Variants in CTSO observed in about 807,000 individuals in gnomAD.
CTSO encodes the protein cathepsin O.
CTSO carries 40 observed loss-of-function variants against 42.4 expected under a neutral mutation model. That is an observed-to-expected ratio of 0.94 (90% CI 0.73 to 1.23). The LOEUF (loss-of-function observed/expected upper bound fraction) is 1.23, where lower values mean the gene tolerates loss of function less well. Among genes scored for constraint, CTSO ranks in the 50% most tolerant of loss-of-function variants. The pLI is 0.00. For synonymous variants in CTSO, 156 were observed against 146.2 expected (o/e 1.07, Z -0.48); for missense variants, 441 against 396.0 (o/e 1.11, Z -0.96).
chr4:155,945,935 A>G (rs528076052), intron 1 of CTSO, among the ~76,000 whole-genome samples: 20 of 152,200 alleles, frequency 1.3e-4, no homozygotes, highest in African/African-American at 4.1e-4. Flanking sequence ...CCAAATGCGC[A>G]CACACACACA....
chr4:155,937,459 A>G lies in CTSO; in HGVS notation c.577T>C (p.Ser193Pro). The G allele has an allele frequency of 6.2e-7, 1 of 1,613,218 alleles. No individual in the cohort carries two copies. The highest frequency in any genetic ancestry group is 8.5e-7 in the Non-Finnish European group (1 of 1,179,480). Residue 193 changes from serine to proline, a missense_variant, in exon 5 of 8, where the codon TCA becomes CCA. Ser to Pro is a moderately conservative substitution (Grantham distance 74, BLOSUM62 -1). Coordinates refer to ENST00000433477, the MANE Select transcript of CTSO (RefSeq NM_001334.3). Reference protein sequence around the residue: ...NKMQVKLVKDSEYPFKAQNGL... With the variant: ...NKMQVKLVKDPEYPFKAQNGL... ...TTTTGTGCTTTAAAAGGATATTCTG[A>G]ATCTTTCACCAGTTTTACTTGCATC...
chr4:155,935,309 A>T (rs762880291), intron 5 of CTSO, among the ~76,000 whole-genome samples: 1 of 152,130 alleles, frequency 6.6e-6, no homozygotes, highest in Non-Finnish European at 1.5e-5. Flanking sequence ...TGTCTTTATC[A>T]GCAGCACGAA....
At chr4:155,933,130 A>G (rs145884923) in intron 5 of CTSO, among the ~76,000 whole-genome samples, 1 of 152,180 alleles carries the variant, frequency 6.6e-6, no homozygotes, top group Non-Finnish European at 1.5e-5. Context: ...CTCAAATTGA[A>G]TTGTATCTCC....
intron 5 of CTSO, among the ~76,000 whole-genome samples, chr4:155,931,590 G>T (rs990991057): frequency 6.6e-6 from 1 of 152,062 alleles, no homozygotes; most frequent in Admixed American, 6.6e-5. Flanking sequence ...CTTTCAGAAA[G>T]ATGTCAGCTT....
At chr4:155,945,915 C>A (rs1222074169) in intron 1 of CTSO, among the ~76,000 whole-genome samples, 1 of 152,100 alleles carries the variant, frequency 6.6e-6, no homozygotes, top group East Asian at 1.9e-4. Context: ...CACACACACA[C>A]CACACCACAC....
Position 155,937,489 on chromosome 4 carries a change from A to T in CTSO, c.553-6T>A, listed in dbSNP as rs764324277. On this transcript the variant is annotated splice_region_variant and splice_polypyrimidine_tract_variant and intron_variant, in intron 4 of 7. Transcript: ENST00000433477. Reference sequence around the variant, plus strand: ...TTCACCAGTTTTACTTGCATCTAAAAGAAAACAATCACTGAACATGTTTAC... The same window carrying T: ...TTCACCAGTTTTACTTGCATCTAAATGAAAACAATCACTGAACATGTTTAC... 2.5e-6 allele frequency: 4 copies of T among 1,612,224 alleles called. No homozygotes were observed. In the South Asian group the frequency reaches 4.4e-5, roughly 18 times the overall value.
At position 155,946,645 on chromosome 4, in the gene CTSO, T is replaced by G. The variant is rs115051096; in HGVS notation, c.136-3381A>C. On this transcript the variant is annotated intron_variant, in intron 1 of 7. Coordinates refer to ENST00000433477, the MANE Select transcript of CTSO (RefSeq NM_001334.3). The stretch of plus-strand genomic sequence containing the variant: ...TTTGCTATTCTGGTGTAATGACTCC[T>G]GTCATTTCACAGCTCTCCATAGCCC... Among the ~76,000 whole-genome samples the G allele has an allele frequency of 5.3e-3, 806 of 152,214 alleles. 4 individuals carry two copies. The highest frequency in any genetic ancestry group is 0.019 in the African/African-American group (778 of 41,524).
chr4:155,952,385 T>A (rs532243088), intron 1 of CTSO, among the ~76,000 whole-genome samples: 33 of 152,298 alleles, frequency 2.2e-4, no homozygotes, highest in African/African-American at 7.5e-4. Flanking sequence ...TATTTATAAG[T>A]CTAGCCCTTT....
chr4:155,950,225 A>T (rs749315806), intron 1 of CTSO, among the ~76,000 whole-genome samples: 4 of 152,238 alleles, frequency 2.6e-5, no homozygotes, highest in African/African-American at 4.8e-5. Flanking sequence ...TCTCCAGTGT[A>T]TAAGTCTTTA....
chr4:155,947,923 T>A (rs1579349301), intron 1 of CTSO, among the ~76,000 whole-genome samples: 1 of 152,200 alleles, frequency 6.6e-6, no homozygotes, highest in Admixed American at 6.5e-5. Flanking sequence ...ACGTAAAGTT[T>A]TGATGAATAC....
chr4:155,937,606 G>A (rs376980082), intron 4 of CTSO, 123 bp from the exon 5 acceptor site: 47 of 927,030 alleles, frequency 5.1e-5, no homozygotes, highest in Admixed American at 3.9e-4. Flanking sequence ...TATACTTTGC[G>A]TTCTTTTTTT....
chr4:155,940,040 A>T (rs1378847422), intron 3 of CTSO, among the ~76,000 whole-genome samples: 1 of 152,204 alleles, frequency 6.6e-6, no homozygotes. Flanking sequence ...TGGAGATAAG[A>T]GAATTAATAA....
chr4:155,951,169 AT>A (rs944196055), intron 1 of CTSO, among the ~76,000 whole-genome samples: 13 of 152,178 alleles, frequency 8.5e-5, no homozygotes, highest in Non-Finnish European at 2.9e-5. Context: ...AGCTTTGGAA[AT>A]TTTATGTAAA....
At chr4:155,942,835 G>A (rs527989658) in intron 2 of CTSO, among the ~76,000 whole-genome samples, 63 of 152,156 alleles carry the variant, frequency 4.1e-4, no homozygotes, top group South Asian at 1.5e-3. Context: ...GACATCATTT[G>A]TTCTATCATA....
chr4:155,938,937 A>G (rs1234703964), intron 4 of CTSO, among the ~76,000 whole-genome samples: 1 of 152,094 alleles, frequency 6.6e-6, no homozygotes, highest in East Asian at 1.9e-4. Context: ...AGCCTGGGTG[A>G]CAGAGTGAGA....
In CTSO at chr4:155,937,484, C is replaced by T. The variant is rs370134093; in HGVS notation, c.553-1G>A. The T allele has an allele frequency of 7.9e-5, 128 of 1,612,246 alleles. No individual in the cohort carries two copies. In the Admixed American group the frequency reaches 9.7e-4, roughly 12 times the overall value. On this transcript the variant is annotated splice_acceptor_variant, in intron 4 of 7. Transcript: ENST00000433477. LOFTEE classifies it high-confidence loss of function. ...AATCTTTCACCAGTTTTACTTGCAT[C>T]TAAAAGAAAACAATCACTGAACATG...
chr4:155,931,448 TC>T (rs1560785035), intron 5 of CTSO, among the ~76,000 whole-genome samples: 1 of 152,024 alleles, frequency 6.6e-6, no homozygotes. Flanking sequence ...TTAGTAATAA[TC>T]CCTGATTTGG....
In CTSO at chr4:155,953,810, A is replaced by AGCCACG; in HGVS notation, c.37_38insCGTGGC (p.Leu12_Leu13insProTrp). The AGCCACG allele has an allele frequency of 7.4e-7, 1 of 1,348,532 alleles. No individual in the cohort carries two copies. The allele number at this position is 1,348,532 out of a possible 1,614,324, so 83.5% of individuals were successfully genotyped here. ...GCCGCCGCCCCGGCACAGCAGCCAC[A>AGCCACG]GCAGCCACGGCAGCCACGGCAGCGC... is the stretch of plus-strand genomic sequence containing the variant. On this transcript the variant is annotated inframe_insertion, in exon 1 of 8. Coordinates refer to ENST00000433477, the MANE Select transcript of CTSO (RefSeq NM_001334.3).
At chr4:155,949,615 T>C (rs933721549) in intron 1 of CTSO, among the ~76,000 whole-genome samples, 1 of 152,230 alleles carries the variant, frequency 6.6e-6, no homozygotes, top group African/African-American at 2.4e-5. Context: ...GATTTTGAAG[T>C]TTCATAGGAT....
Sources: gnomAD v4.1 joint callset for allele counts (sites outside exome capture counted in the v4.1 genomes callset) on GRCh38, gnomAD v4.1.1 for gene constraint, MANE v1.5 for transcripts, NCBI Gene and HGNC (gene_info 2026-07-23, HGNC 2026-07-21) for gene names.